SYN2: variants seen among roughly 807,000 people sequenced by gnomAD.
SYN2 encodes synapsin-2.
A neutral mutation model predicts 50.9 loss-of-function variants in SYN2; 19 were observed. The observed-to-expected ratio is 0.37, with a 90% confidence interval of 0.26 to 0.55. The LOEUF (loss-of-function observed/expected upper bound fraction) is 0.55. SYN2 is among the 20% of genes least tolerant of loss of function. The probability of loss-of-function intolerance (pLI) is 0.81; values close to 1 mark genes in which losing one functional copy is unlikely to be tolerated. For missense variants in SYN2, 587 were observed against 576.4 expected (o/e 1.02, Z -0.19); for synonymous variants, 255 against 224.9 (o/e 1.13, Z -1.20).
At chr3:12,136,258 A>G (rs1040503595) in intron 1 of SYN2, among the ~76,000 whole-genome samples, 2 of 152,226 alleles carry the variant, frequency 1.3e-5, no homozygotes, top group African/African-American at 2.4e-5. Context: ...CAAAACTTTC[A>G]TGTCATCTGA....
intron 1 of SYN2, chr3:12,070,759 G>T: frequency 1.4e-6 from 1 of 716,576 alleles, no homozygotes; most frequent in South Asian, 1.4e-5. Context: ...CCCCCATGCC[G>T]TCCTGCATCT....
chr3:12,014,767 T>G (rs1693986525), intron 1 of SYN2, among the ~76,000 whole-genome samples: 2 of 152,228 alleles, frequency 1.3e-5, no homozygotes, highest in Non-Finnish European at 2.9e-5. Flanking sequence ...GAGTTTTGTG[T>G]GCCTTCTTCC....
chr3:12,112,136 TATCA>T (rs1405468080), intron 1 of SYN2, among the ~76,000 whole-genome samples: 2 of 152,092 alleles, frequency 1.3e-5, no homozygotes, highest in African/African-American at 4.8e-5. Flanking sequence ...AGGAGAGGCT[TATCA>T]GAAGTGCTCT....
chr3:12,051,966 C>G (rs1694873641), intron 1 of SYN2, among the ~76,000 whole-genome samples: 1 of 152,128 alleles, frequency 6.6e-6, no homozygotes, highest in Admixed American at 6.5e-5. Flanking sequence ...TTAGTTGGCT[C>G]CCTGCTGGTT....
chr3:12,118,046 T>C (rs528866669), intron 1 of SYN2, among the ~76,000 whole-genome samples: 1 of 152,276 alleles, frequency 6.6e-6, no homozygotes, highest in East Asian at 1.9e-4. Context: ...TGAGTGATGT[T>C]TGTGCAGTGC....
At chr3:12,033,463 AC>A (rs1694425834) in intron 1 of SYN2, among the ~76,000 whole-genome samples, 1 of 152,124 alleles carries the variant, frequency 6.6e-6, no homozygotes, top group Non-Finnish European at 1.5e-5. Context: ...TGTGAGGCAG[AC>A]TAGGGTACGA....
intron 1 of SYN2, among the ~76,000 whole-genome samples, chr3:12,047,003 A>C (rs1018401153): frequency 2.6e-5 from 4 of 152,220 alleles, no homozygotes; most frequent in Admixed American, 2.0e-4. Flanking sequence ...TTTGAACTTC[A>C]GGAAAACATA....
intron 11 of SYN2, chr3:12,184,282 C>G: frequency 1.0e-6 from 1 of 985,848 alleles, no homozygotes; most frequent in Non-Finnish European, 1.2e-6. Flanking sequence ...GTGTGTTGAT[C>G]TCAGTTGTTT....
chr3:12,174,126 T>C (rs562297811), intron 10 of SYN2, among the ~76,000 whole-genome samples: 2 of 152,172 alleles, frequency 1.3e-5, no homozygotes, highest in African/African-American at 4.8e-5. Flanking sequence ...CTGCTGAGTG[T>C]CTAAACATCA....
chr3:12,070,801 C>T, intron 1 of SYN2: 1 of 622,554 alleles, frequency 1.6e-6, no homozygotes, highest in South Asian at 1.4e-5. Flanking sequence ...GACTGACTAC[C>T]TCATGAAGAT....
At chr3:12,183,637 C>T (rs923516529) in intron 11 of SYN2, 55 of 1,419,742 alleles carry the variant, frequency 3.9e-5, no homozygotes, top group Non-Finnish European at 4.7e-5. Flanking sequence ...TTGTAATGCT[C>T]ACTTATGTTT....
At chr3:12,007,039 A>G (rs954926554) in intron 1 of SYN2, among the ~76,000 whole-genome samples, 5 of 152,252 alleles carry the variant, frequency 3.3e-5, no homozygotes, top group African/African-American at 9.6e-5. Context: ...ATCTATAGAT[A>G]GGTACTGATA....
At chr3:12,027,409 C>T (rs190838542) in intron 1 of SYN2, among the ~76,000 whole-genome samples, 7 of 152,264 alleles carry the variant, frequency 4.6e-5, no homozygotes, top group Admixed American at 3.3e-4. Context: ...TGAAAGATGT[C>T]GTACCCATTG....
intron 1 of SYN2, among the ~76,000 whole-genome samples, chr3:12,112,138 T>C (rs1160922163): frequency 6.6e-6 from 1 of 152,102 alleles, no homozygotes; most frequent in Non-Finnish European, 1.5e-5. Flanking sequence ...GAGAGGCTTA[T>C]CAGAAGTGCT....
In SYN2 at chr3:12,167,218, T is replaced by A. The variant is rs1697822310; in HGVS notation, c.981-16T>A. ...TGGCTCACTGCCTGTCCTATCCTGG[T>A]GGGATCTTGTTGCAGGAGGACATCG... On this transcript the variant is annotated splice_polypyrimidine_tract_variant and intron_variant, in intron 7 of 12. Coordinates refer to ENST00000621198, the MANE Select transcript of SYN2 (RefSeq NM_133625.6). 4.3e-6 allele frequency: 7 copies of A among 1,611,016 alleles called. No individual in the cohort carries two copies. Among genetic ancestry groups the A allele is most frequent in the Non-Finnish European group, 5.1e-6 (6 of 1,178,746 alleles).
intron 10 of SYN2, among the ~76,000 whole-genome samples, chr3:12,176,148 G>T (rs373337907): frequency 6.6e-6 from 1 of 152,050 alleles, no homozygotes; most frequent in African/African-American, 2.4e-5. Context: ...CTGACTTTAG[G>T]GGTCTCTTGT....
At chr3:12,189,095 C>G (rs1313132666) in intron 12 of SYN2, among the ~76,000 whole-genome samples, 1 of 152,188 alleles carries the variant, frequency 6.6e-6, no homozygotes, top group Non-Finnish European at 1.5e-5. Context: ...AGAGACTGCT[C>G]ACAGTTCTGT....
chr3:12,115,272 T>G (rs1316592247), intron 1 of SYN2, among the ~76,000 whole-genome samples: 2 of 152,282 alleles, frequency 1.3e-5, no homozygotes, highest in East Asian at 3.9e-4. Context: ...CTTTAGGACC[T>G]AAAGGAATGC....
rs575692220 is a variant in SYN2, at chr3:12,035,721, C to G, written c.377+30793C>G. Among the ~76,000 whole-genome samples, 3 of 152,266 alleles carry G rather than the reference C, an allele frequency of 2.0e-5. No individual in the cohort carries two copies. In the East Asian group the frequency reaches 5.8e-4, roughly 29 times the overall value. The stretch of plus-strand genomic sequence containing the variant: ...ATCGGATAAGAAAATAAAGCTTTGT[C>G]TGAAAACTTGGGGTCAGTAGAAAGG... On this transcript the variant is annotated intron_variant, in intron 1 of 12. Transcript: ENST00000621198.
Sources: allele counts gnomAD v4.1 joint callset (sites outside exome capture counted in the v4.1 genomes callset), GRCh38; gene constraint gnomAD v4.1.1; transcripts MANE v1.5; gene names NCBI Gene and HGNC (gene_info 2026-07-23, HGNC 2026-07-21).